Variants in GIN1 observed in about 807,000 individuals in gnomAD.
The protein encoded by GIN1 is gypsy retrotransposon integrase-like protein 1.
In GIN1, 41 loss-of-function variants were observed where a neutral mutation model predicts 51.4. The ratio of observed to expected loss-of-function variants is 0.80; its 90% CI spans 0.62 to 1.04. The LOEUF is 1.04. Ranked by LOEUF, GIN1 falls within the 50% of genes least tolerant of loss-of-function variation. GIN1 has a pLI of 0.00. For synonymous variants in GIN1, 222 were observed against 206.5 expected (o/e 1.07, Z -0.64); for missense variants, 610 against 612.4 (o/e 1.00, Z 0.04).
At chr5:103,110,714 G>A (rs1261660956) in intron 1 of GIN1, among the ~76,000 whole-genome samples, 4 of 152,002 alleles carry the variant, frequency 2.6e-5, no homozygotes, top group African/African-American at 9.7e-5. Context: ...CTAAAGGTTT[G>A]GCAATTCTAA....
chr5:103,106,237 C>T (rs78093101), intron 3 of GIN1, among the ~76,000 whole-genome samples: 1,718 of 152,200 alleles, frequency 0.011, 12 homozygotes, highest in African/African-American at 0.018. Flanking sequence ...ATTTCATTAT[C>T]CTCAAAATTT....
At chr5:103,114,658 C>T (rs1554197202) in intron 1 of GIN1, among the ~76,000 whole-genome samples, 2 of 152,148 alleles carry the variant, frequency 1.3e-5, no homozygotes, top group African/African-American at 2.4e-5. Flanking sequence ...TGACCACATC[C>T]CCAATCTCAG....
chr5:103,108,602 T>C lies in GIN1; in HGVS notation c.106A>G (p.Ile36Val), dbSNP rs1554196600. The part of the protein sequence containing the change: ...STTLPSERSG[I>V]RRAAKKFVFK... ...ACAAATTTTTTTGCTGCTCTTCTTA[T>C]GCCACTTCTCTCACTTGGCAGTGTA... Residue 36 changes from isoleucine to valine, a missense_variant, in exon 2 of 8, where the codon ATA (isoleucine) becomes GTA (valine). Transcript: ENST00000399004. 1 of 1,607,042 alleles carries C rather than the reference T, an allele frequency of 6.2e-7. No homozygotes were observed. The highest frequency in any genetic ancestry group is 1.1e-5 in the South Asian group (1 of 90,254).
At chr5:103,099,247 G>C (rs1287519638) in intron 4 of GIN1, among the ~76,000 whole-genome samples, 2 of 152,030 alleles carry the variant, frequency 1.3e-5, no homozygotes, top group Non-Finnish European at 2.9e-5. Context: ...TACTAGCTTT[G>C]TTTGCCCAAC....
In GIN1 at chr5:103,096,608, C is replaced by T; in HGVS notation, c.1227G>A (p.Gly409=). Residue 409 remains glycine, a synonymous_variant, in exon 7 of 8, where the codon GGG becomes GGA. Coordinates refer to ENST00000399004, the MANE Select transcript of GIN1 (RefSeq NM_017676.2). The stretch of plus-strand genomic sequence containing the variant: ...TTTTGATAGGTCTTTTCAGTCTAAC[C>T]CCAGTGTTGTCTCTCAGGACAGCAC... ...SGCAVLRDNT[G]VRLKRPIKMS... The T allele has an allele frequency of 6.2e-7, 1 of 1,613,316 alleles. No homozygotes were observed. The highest frequency in any genetic ancestry group is 8.5e-7 in the Non-Finnish European group (1 of 1,179,298).
chr5:103,100,270 T>C (rs938652658), intron 4 of GIN1, among the ~76,000 whole-genome samples: 1 of 152,028 alleles, frequency 6.6e-6, no homozygotes, highest in Non-Finnish European at 1.5e-5. Context: ...TGGCTAATTG[T>C]TGCATTTTTT....
rs188483848 is a variant in GIN1 at position 103,095,431 on chromosome 5, A to G, written c.1294+1110T>C. Among the ~76,000 whole-genome samples the G allele has an allele frequency of 5.8e-3, 880 of 152,306 alleles. 1 individual carries two copies. Among genetic ancestry groups the G allele is most frequent in the Non-Finnish European group, 9.3e-3 (635 of 68,028 alleles). ...ACCTCTTCTTACAGCACCTTATAGC[A>G]TTCTGAGGATTCCCCACTCTGCACC... is the stretch of plus-strand genomic sequence containing the variant. On this transcript the variant is annotated intron_variant, in intron 7 of 7. Coordinates refer to ENST00000399004, the MANE Select transcript of GIN1 (RefSeq NM_017676.2).
chr5:103,094,546 T>A (rs1297333900), intron 7 of GIN1, among the ~76,000 whole-genome samples: 1 of 152,136 alleles, frequency 6.6e-6, no homozygotes, highest in Non-Finnish European at 1.5e-5. Context: ...AAATACTGAG[T>A]TCTGAATGTT....
chr5:103,102,992 T>C (rs1460695668), intron 4 of GIN1, among the ~76,000 whole-genome samples: 1 of 152,238 alleles, frequency 6.6e-6, no homozygotes, highest in Non-Finnish European at 1.5e-5. Context: ...TGGATGGACC[T>C]GTGAAGAAAA....
At chr5:103,119,750 T>C (rs1036519860) in intron 1 of GIN1, among the ~76,000 whole-genome samples, 3 of 152,146 alleles carry the variant, frequency 2.0e-5, no homozygotes, top group African/African-American at 7.2e-5. Flanking sequence ...GGCGACTCGT[T>C]AACGGAATCT....
Position 103,104,555 on chromosome 5 carries a change from C to A in GIN1, c.625G>T (p.Glu209Ter). 1 of 1,511,474 alleles carries A rather than the reference C, an allele frequency of 6.6e-7. No homozygotes were observed. Among genetic ancestry groups the A allele is most frequent in the Non-Finnish European group, 9.2e-7 (1 of 1,092,566 alleles). 93.6% of individuals were successfully genotyped at this position (1,511,474 alleles called of 1,614,324 possible). A position where few individuals can be genotyped will look rare whatever the true frequency, so the allele number is the denominator to read the frequency against. Reference protein sequence around the residue: ...PQKIIMDQRDEFIQQINIELY... With the variant: ...PQKIIMDQRD ...ATTTGTCTTACCTGTTGAATGAATT[C>A]ATCTCTTTGGTCCATTATTATTTTC... is the stretch of plus-strand genomic sequence containing the variant. The change falls in exon 4 of 8, where the codon GAA (glutamate) becomes TAA (stop). Residue 209 changes from glutamate to a stop codon, truncating the protein, a stop_gained. Coordinates refer to ENST00000399004, the MANE Select transcript of GIN1 (RefSeq NM_017676.2). LOFTEE classifies it high-confidence loss of function.
chr5:103,088,056 T>C lies in GIN1; in HGVS notation c.1411A>G (p.Ile471Val), dbSNP rs1562322716. ...NILVEDATIG[I>V]VDNELLTSSK... ...GATGTCAGTAATTCATTATCGACTATACCAATAGTTGCATCTTCCACCAGA... is the reference window on the plus strand; with the variant it reads ...GATGTCAGTAATTCATTATCGACTACACCAATAGTTGCATCTTCCACCAGA... The change falls in exon 8 of 8, where the codon ATA becomes GTA. Residue 471 changes from isoleucine to valine, a missense_variant. Physicochemically the swap from Ile to Val is conservative, Grantham distance 29. Transcript: ENST00000399004. The C allele has an allele frequency of 1.9e-6, 3 of 1,610,528 alleles. No homozygotes were observed. Among genetic ancestry groups the C allele is most frequent in the South Asian group, 1.1e-5 (1 of 90,994 alleles).
rs1270413598 is a variant in GIN1 at position 103,086,690 on chromosome 5, G to C, written c.*1208C>G. The stretch of plus-strand genomic sequence containing the variant: ...AACTTCTCTCTTTTTGCCTCCCTAA[G>C]TACATTATCTACACCTGTCTTCTGC... On this transcript the variant is annotated 3_prime_UTR_variant, in exon 8 of 8. Transcript: ENST00000399004. 6.6e-6 allele frequency: 1 copy of C among 151,890 alleles called. No individual in the cohort carries two copies. Among genetic ancestry groups the C allele is most frequent in the African/African-American group, 2.4e-5 (1 of 41,324 alleles). 9.4% of individuals were successfully genotyped at this position (151,890 alleles called of 1,614,324 possible). A position where few individuals can be genotyped will look rare whatever the true frequency, so the allele number is the denominator to read the frequency against.
At chr5:103,115,128 G>A (rs1322662550) in intron 1 of GIN1, among the ~76,000 whole-genome samples, 4 of 152,180 alleles carry the variant, frequency 2.6e-5, no homozygotes, top group African/African-American at 9.7e-5. Flanking sequence ...CTGAGTAACT[G>A]CTATGTGCCA....
intron 1 of GIN1, among the ~76,000 whole-genome samples, chr5:103,114,388 A>G (rs1554197177): frequency 6.6e-6 from 1 of 152,212 alleles, no homozygotes; most frequent in Non-Finnish European, 1.5e-5. Flanking sequence ...TTATATAAGA[A>G]CTGTAACTGA....
intron 7 of GIN1, among the ~76,000 whole-genome samples, chr5:103,094,131 G>T (rs1272362024): frequency 6.6e-6 from 1 of 152,076 alleles, no homozygotes; most frequent in Non-Finnish European, 1.5e-5. Context: ...AAATCATTTT[G>T]TTTGCTTTAA....
intron 4 of GIN1, among the ~76,000 whole-genome samples, chr5:103,102,899 G>A (rs1787614961): frequency 6.6e-6 from 1 of 152,068 alleles, no homozygotes; most frequent in Admixed American, 6.6e-5. Flanking sequence ...GAAAAGAATG[G>A]AACAAAAATA....
In GIN1 at chr5:103,086,055, TA is replaced by T. The variant is rs1787067690; in HGVS notation, c.*1842del. On this transcript the variant is annotated 3_prime_UTR_variant, in exon 8 of 8. Coordinates refer to ENST00000399004, the MANE Select transcript of GIN1 (RefSeq NM_017676.2). ...CAGTTCTGGAGGCAAAAGTCTGAGA[TA>T]AGGTATTGACAGGGTTGGTCTTCTG... 1.3e-5 allele frequency: 2 copies of T among 152,212 alleles called. No individual in the cohort carries two copies. The highest frequency in any genetic ancestry group is 1.3e-4 in the Admixed American group (2 of 15,280). The allele number at this position is 152,212 out of a possible 1,614,324, so 9.4% of individuals were successfully genotyped here.
intron 4 of GIN1, 115 bp downstream of exon 4, chr5:103,104,426 C>G (rs1583124790): frequency 1.6e-6 from 1 of 606,220 alleles, no homozygotes; most frequent in African/African-American, 1.9e-5. Flanking sequence ...TCTATACCTA[C>G]AGAAATTTAT....
Sources: allele counts gnomAD v4.1 joint callset (sites outside exome capture counted in the v4.1 genomes callset), GRCh38; gene constraint gnomAD v4.1.1; transcripts MANE v1.5; gene names NCBI Gene and HGNC (gene_info 2026-07-23, HGNC 2026-07-21).